Variants in RSBN1L observed in about 807,000 individuals in gnomAD.
RSBN1L encodes lysine-specific demethylase RSBN1L.
A neutral mutation model predicts 67.7 loss-of-function variants in RSBN1L; 30 were observed. The ratio of observed to expected loss-of-function variants is 0.44; its 90% CI spans 0.33 to 0.60. The LOEUF is 0.60. Ranked by LOEUF, RSBN1L falls within the 20% of genes least tolerant of loss-of-function variation. The pLI, the probability that RSBN1L is intolerant of heterozygous loss-of-function variation, is 0.02. For missense variants in RSBN1L, 992 were observed against 1,031.7 expected, an observed-to-expected ratio of 0.96 and a Z score of 0.53; for synonymous variants, 433 against 387.0, an observed-to-expected ratio of 1.12 and a Z score of -1.39.
At chr7:77,778,165 G>A (rs997641725) in intron 6 of RSBN1L, among the ~76,000 whole-genome samples, 173 bp from the exon 7 acceptor site, 2 of 152,132 alleles carry the variant, frequency 1.3e-5, no homozygotes, top group African/African-American at 4.8e-5. Flanking sequence ...TGAAAGTCAT[G>A]GTGTTGGCCC....
At chr7:77,698,916 C>T (rs1351385374) in intron 1 of RSBN1L, among the ~76,000 whole-genome samples, 1 of 151,974 alleles carries the variant, frequency 6.6e-6, no homozygotes, top group Non-Finnish European at 1.5e-5. Flanking sequence ...TCCCTCGTAA[C>T]TTGGGGAATA....
At chr7:77,732,757 G>A (rs1791287696) in intron 1 of RSBN1L, among the ~76,000 whole-genome samples, 1 of 152,118 alleles carries the variant, frequency 6.6e-6, no homozygotes, top group African/African-American at 2.4e-5. Context: ...AATATTATAG[G>A]TAAATAGATA....
At position 77,696,967 on chromosome 7, in the gene RSBN1L, G is replaced by A. The variant is rs1441926809; in HGVS notation, c.498G>A (p.Lys166=). The stretch of plus-strand genomic sequence containing the variant: ...GCAGACCTAAGGAGAAGCGGGAGAA[G>A]GAGAGGAGGAGGCACGGTCTCGGTG... ...KSRRPKEKRE[K]ERRRHGLGGA... Residue 166 remains lysine (K), a synonymous_variant, in exon 1 of 8, where the codon AAG becomes AAA. Transcript: ENST00000334955. 1 of 1,568,320 alleles carries A rather than the reference G, an allele frequency of 6.4e-7. No individual in the cohort carries two copies. Among genetic ancestry groups the A allele is most frequent in the Non-Finnish European group, 8.6e-7 (1 of 1,165,258 alleles).
intron 1 of RSBN1L, among the ~76,000 whole-genome samples, chr7:77,705,516 T>TTTG (rs957675883): frequency 6.9e-6 from 1 of 145,238 alleles, no homozygotes; most frequent in African/African-American, 2.6e-5. Context: ...AATGGTTTTT[T>TTTG]TTTTTTTTTT....
At chr7:77,755,741 C>A (rs1171296200) in intron 3 of RSBN1L, among the ~76,000 whole-genome samples, 1 of 152,100 alleles carries the variant, frequency 6.6e-6, no homozygotes, top group Non-Finnish European at 1.5e-5. Flanking sequence ...TAAGCTGAAC[C>A]ATCTTAAGTC....
chr7:77,747,563 T>A (rs1791501028), intron 2 of RSBN1L, among the ~76,000 whole-genome samples: 1 of 152,182 alleles, frequency 6.6e-6, no homozygotes, highest in Non-Finnish European at 1.5e-5. Flanking sequence ...TCTTGGTGGC[T>A]CTATGTGGTA....
chr7:77,774,327 C>G (rs1791884013), intron 6 of RSBN1L, among the ~76,000 whole-genome samples: 1 of 152,166 alleles, frequency 6.6e-6, no homozygotes, highest in Admixed American at 6.6e-5. Flanking sequence ...TGGCTCACGC[C>G]TGTAATTCCA....
chr7:77,725,148 A>C (rs1791179757), intron 1 of RSBN1L, among the ~76,000 whole-genome samples: 1 of 147,442 alleles, frequency 6.8e-6, no homozygotes, highest in Non-Finnish European at 1.5e-5. Flanking sequence ...CCGGCCACAA[A>C]TCCCTTTCTC....
At position 77,749,840 on chromosome 7, in the gene RSBN1L, C is replaced by G; in HGVS notation, c.1120C>G (p.Pro374Ala). Residue 374 changes from proline (P) to alanine (A), a missense_variant, in exon 3 of 8, where the codon CCT (proline) becomes GCT (alanine). Transcript: ENST00000334955. The stretch of plus-strand genomic sequence containing the variant: ...CAGTAACGAACTCTCCCACCTGTCT[C>G]CTATGGAGATGGAGAGGTTTGCAGA... ...AYSNELSHLS[P>A]MEMERFAEEF... is the part of the protein sequence containing the mutation. 1 of 1,614,176 alleles carries G rather than the reference C, an allele frequency of 6.2e-7. No homozygotes were observed. Among genetic ancestry groups the G allele is most frequent in the Non-Finnish European group, 8.5e-7 (1 of 1,180,028 alleles).
rs1366110564 is a variant in RSBN1L, at chr7:77,781,096, G to A, written c.*1928G>A. ...TTCTGGTTAGGGCGAAGCCATTTAG[G>A]AAGAAGCATTTCACCAGAACAAGTA... On this transcript the variant is annotated 3_prime_UTR_variant, in exon 8 of 8. Coordinates refer to ENST00000334955, the MANE Select transcript of RSBN1L (RefSeq NM_198467.3). 2 of 152,174 alleles carry A rather than the reference G, an allele frequency of 1.3e-5. No individual in the cohort carries two copies. Among genetic ancestry groups the A allele is most frequent in the South Asian group, 2.1e-4 (1 of 4,820 alleles). The allele number at this position is 152,174 out of a possible 1,614,324, so 9.4% of individuals were successfully genotyped here.
At chr7:77,765,737 A>G (rs1791757976) in intron 4 of RSBN1L, 105 bp downstream of exon 4, 8 of 786,084 alleles carry the variant, frequency 1.0e-5, no homozygotes, top group Non-Finnish European at 1.6e-5. Flanking sequence ...GCTACATGCA[A>G]TATAAATGAA....
intron 1 of RSBN1L, among the ~76,000 whole-genome samples, chr7:77,705,215 T>C (rs1205502625): frequency 6.6e-6 from 1 of 152,190 alleles, no homozygotes; most frequent in African/African-American, 2.4e-5. Context: ...AATATGACAT[T>C]GACTTTTTGA....
chr7:77,709,186 G>GTATGTA (rs754531705), intron 1 of RSBN1L, among the ~76,000 whole-genome samples: 5 of 131,040 alleles, frequency 3.8e-5, no homozygotes, highest in African/African-American at 1.6e-4. Flanking sequence ...GTGTGTGTGT[G>GTATGTA]TGTGTGTGTG....
chr7:77,773,692 G>A (rs909163852), intron 6 of RSBN1L, among the ~76,000 whole-genome samples: 1 of 152,210 alleles, frequency 6.6e-6, no homozygotes, highest in Non-Finnish European at 1.5e-5. Flanking sequence ...GAACCCGGGA[G>A]GCTGAGGGTG....
intron 1 of RSBN1L, among the ~76,000 whole-genome samples, chr7:77,720,494 G>C (rs1217251886): frequency 4.6e-5 from 7 of 152,130 alleles, no homozygotes; most frequent in Non-Finnish European, 8.8e-5. Context: ...GGGAGGCAGA[G>C]GTTGCGGTGA....
At chr7:77,730,578 C>T (rs754778094) in intron 1 of RSBN1L, among the ~76,000 whole-genome samples, 4 of 152,228 alleles carry the variant, frequency 2.6e-5, no homozygotes, top group East Asian at 1.9e-4. Flanking sequence ...TATACCCTGG[C>T]AACCACTGAT....
chr7:77,715,066 G>A (rs1791028514), intron 1 of RSBN1L, among the ~76,000 whole-genome samples: 1 of 151,888 alleles, frequency 6.6e-6, no homozygotes, highest in Non-Finnish European at 1.5e-5. Context: ...GAGGTCAGGA[G>A]TTTAAGACCA....
At chr7:77,716,293 CTTTTTCTTT>C (rs1475004281) in intron 1 of RSBN1L, among the ~76,000 whole-genome samples, 1 of 151,848 alleles carries the variant, frequency 6.6e-6, no homozygotes, top group Non-Finnish European at 1.5e-5. Context: ...TTCCCTTTGT[CTTTTTCTTT>C]GTTTTTTTTG....
At position 77,713,481 on chromosome 7, in the gene RSBN1L, C is replaced by T. The variant is rs1011510957; in HGVS notation, c.586+16426C>T. ...ACGCCATTCTCCTACCTCAGCCTCC[C>T]GAGTAGCTGGGACTACAGGCGCCCG... On this transcript the variant is annotated intron_variant, in intron 1 of 7. Transcript: ENST00000334955. Among the ~76,000 whole-genome samples, 30 of 151,912 alleles carry T rather than the reference C, an allele frequency of 2.0e-4. 1 individual carries two copies. Among genetic ancestry groups the T allele is most frequent in the East Asian group, 3.9e-4 (2 of 5,166 alleles).
Sources: gnomAD v4.1 joint callset for allele counts (sites outside exome capture counted in the v4.1 genomes callset) on GRCh38, gnomAD v4.1.1 for gene constraint, MANE v1.5 for transcripts, NCBI Gene and HGNC (gene_info 2026-07-23, HGNC 2026-07-21) for gene names.